The following PPP2R2A variants were observed in gnomAD, a reference collection of about 807,000 sequenced individuals.
PPP2R2A encodes protein phosphatase 2 regulatory subunit Balpha.
Under a neutral mutation model 53.2 loss-of-function variants are expected in PPP2R2A, and 9 were observed. That is an observed-to-expected ratio of 0.17 (90% CI 0.10 to 0.30). The LOEUF is 0.30. Among genes scored for constraint, PPP2R2A ranks in the 10% least tolerant of loss-of-function variants. The probability of loss-of-function intolerance (pLI) is 1.00; values close to 1 mark genes in which losing one functional copy is unlikely to be tolerated. For missense variants in PPP2R2A, 235 were observed against 534.6 expected (o/e 0.44, Z 5.53); for synonymous variants, 169 against 174.2 (o/e 0.97, Z 0.23).
At position 26,291,576 on chromosome 8, in the gene PPP2R2A, C is replaced by T. The variant is rs866089181; in HGVS notation, c.-244C>T. The T allele has an allele frequency of 1.5e-5, 8 of 549,018 alleles. No homozygotes were observed. In the African/African-American group the frequency reaches 1.6e-4, roughly 11 times the overall value. The allele number at this position is 549,018 out of a possible 1,614,324, so 34.0% of individuals were successfully genotyped here. A position where few individuals can be genotyped will look rare whatever the true frequency, so the allele number is the denominator to read the frequency against. ...CCGCTGCCGCCGCCGCCGTCGCTGT[C>T]GTAGTCGCCGCCGCCGCTGCCGGAG... is the stretch of plus-strand genomic sequence containing the variant. On this transcript the variant is annotated 5_prime_UTR_variant, in exon 1 of 10. Coordinates refer to ENST00000380737, the MANE Select transcript of PPP2R2A (RefSeq NM_002717.4).
chr8:26,362,934 G>T lies in PPP2R2A; in HGVS notation c.802+86G>T. On this transcript the variant is annotated intron_variant, in intron 7 of 9. Coordinates refer to ENST00000380737, the MANE Select transcript of PPP2R2A (RefSeq NM_002717.4). The surrounding 1 kb of genome is among the most constrained non-coding windows in gnomAD (Gnocchi z 4.4). ...CAGACATGATAAGTACAATTACAGA[G>T]GTTCAAAGTCTTAAACCCGTGTGTC... 7.4e-7 allele frequency: 1 copy of T among 1,346,388 alleles called. No homozygotes were observed. The highest frequency in any genetic ancestry group is 1.0e-6 in the Non-Finnish European group (1 of 975,004). The allele number at this position is 1,346,388 out of a possible 1,614,324, so 83.4% of individuals were successfully genotyped here.
chr8:26,368,165 T>C (rs1805476168), intron 9 of PPP2R2A, among the ~76,000 whole-genome samples: 1 of 152,230 alleles, frequency 6.6e-6, no homozygotes. Context: ...ACACAAGCCA[T>C]TTTTAAAGAA....
At position 26,338,346 on chromosome 8, in the gene PPP2R2A, G is replaced by A. The variant is rs1471195095; in HGVS notation, c.83-544G>A. Among the ~76,000 whole-genome samples, 3 of 152,100 alleles carry A rather than the reference G, an allele frequency of 2.0e-5. No homozygotes were observed. Among genetic ancestry groups the A allele is most frequent in the Non-Finnish European group, 4.4e-5 (3 of 68,012 alleles). Reference sequence around the variant, plus strand: ...AGCTGGAGGAGCCGTGCACATTGAAGGCACATAGCACGAAGCATTTCTGCT... The same window carrying A: ...AGCTGGAGGAGCCGTGCACATTGAAAGCACATAGCACGAAGCATTTCTGCT... On this transcript the variant is annotated intron_variant, in intron 2 of 9. Coordinates refer to ENST00000380737, the MANE Select transcript of PPP2R2A (RefSeq NM_002717.4). The surrounding 1 kb of genome is among the most constrained non-coding windows in gnomAD (Gnocchi z 4.5).
chr8:26,295,912 A>G (rs570686413), intron 2 of PPP2R2A, among the ~76,000 whole-genome samples: 2 of 151,960 alleles, frequency 1.3e-5, no homozygotes, highest in East Asian at 3.9e-4. Context: ...CACATTCCCC[A>G]CCCCCCTACC....
At chr8:26,340,358 T>A (rs1251402226) in intron 3 of PPP2R2A, among the ~76,000 whole-genome samples, 1 of 152,078 alleles carries the variant, frequency 6.6e-6, no homozygotes, top group African/African-American at 2.4e-5. Context: ...CTGTTTTTCA[T>A]GCTAGATAAC....
rs543803332 is a variant in PPP2R2A, at chr8:26,368,745, T to G, written c.1065-1389T>G. 2.2e-4 allele frequency among the ~76,000 whole-genome samples: 34 copies of G among 152,046 alleles called. No homozygotes were observed. The South Asian group carries it at 6.9e-3, about 31-fold the overall frequency. On this transcript the variant is annotated intron_variant, in intron 9 of 9. Transcript: ENST00000380737. Reference sequence around the variant, plus strand: ...GAACCCAGGAGGTTGAGGTTGTGGTTGCAGTGAGCTGTGATTGTGCCACCA... The same window carrying G: ...GAACCCAGGAGGTTGAGGTTGTGGTGGCAGTGAGCTGTGATTGTGCCACCA...
chr8:26,304,172 G>A (rs1454379975), intron 2 of PPP2R2A, among the ~76,000 whole-genome samples: 1 of 149,736 alleles, frequency 6.7e-6, no homozygotes, highest in East Asian at 1.9e-4. Flanking sequence ...GACTATTTAG[G>A]AGGGTATTTT....
chr8:26,307,554 A>C (rs1220235130), intron 2 of PPP2R2A, among the ~76,000 whole-genome samples: 2 of 152,238 alleles, frequency 1.3e-5, no homozygotes, highest in Non-Finnish European at 2.9e-5. Flanking sequence ...AATATTCCTT[A>C]AAATGCCAAA....
chr8:26,326,566 A>G (rs185409948), intron 2 of PPP2R2A, among the ~76,000 whole-genome samples: 79 of 152,340 alleles, frequency 5.2e-4, no homozygotes, highest in Admixed American at 2.2e-3. Context: ...TAGCATAGCC[A>G]TAGTAATCCT....
intron 2 of PPP2R2A, among the ~76,000 whole-genome samples, chr8:26,303,914 T>G (rs1055867483): frequency 6.6e-6 from 1 of 152,236 alleles, no homozygotes; most frequent in Non-Finnish European, 1.5e-5. Context: ...AGTTACGCTC[T>G]TGTAGCTTTT....
intron 3 of PPP2R2A, among the ~76,000 whole-genome samples, chr8:26,346,800 T>C (rs977528689): frequency 6.6e-6 from 1 of 152,180 alleles, no homozygotes; most frequent in African/African-American, 2.4e-5. Context: ...CTGTAGTCAA[T>C]TTATCAGGGG....
intron 3 of PPP2R2A, among the ~76,000 whole-genome samples, chr8:26,346,306 A>G (rs535330901): frequency 6.6e-6 from 1 of 151,812 alleles, no homozygotes; most frequent in African/African-American, 2.4e-5. Context: ...ATGCCTGGTT[A>G]ATTTTTGTGT....
chr8:26,358,966 C>G (rs533789658), intron 4 of PPP2R2A: 1 of 455,856 alleles, frequency 2.2e-6, no homozygotes, highest in East Asian at 6.9e-5. Context: ...GTGAAAGAGT[C>G]ATTGTATAGT....
At chr8:26,345,152 A>G (rs547576185) in intron 3 of PPP2R2A, among the ~76,000 whole-genome samples, 1 of 152,336 alleles carries the variant, frequency 6.6e-6, no homozygotes, top group Admixed American at 6.5e-5. Flanking sequence ...TCAGATTTTC[A>G]GATTAGGTAT....
At chr8:26,323,859 G>T (rs1053168443) in intron 2 of PPP2R2A, among the ~76,000 whole-genome samples, 1 of 152,172 alleles carries the variant, frequency 6.6e-6, no homozygotes, top group Non-Finnish European at 1.5e-5. Context: ...CCACTTCTCT[G>T]TGGCTACCAC....
At chr8:26,311,200 C>T (rs1802276218) in intron 2 of PPP2R2A, among the ~76,000 whole-genome samples, 1 of 152,120 alleles carries the variant, frequency 6.6e-6, no homozygotes, top group African/African-American at 2.4e-5. Context: ...TTAGTTTTGG[C>T]ACATAGTAAG....
intron 4 of PPP2R2A, among the ~76,000 whole-genome samples, chr8:26,356,775 A>G (rs1022936217): frequency 6.6e-6 from 1 of 152,146 alleles, no homozygotes; most frequent in Non-Finnish European, 1.5e-5. Flanking sequence ...AACTTTTTAA[A>G]TGTAGGCTGA....
chr8:26,317,797 A>T (rs1802632768), intron 2 of PPP2R2A, among the ~76,000 whole-genome samples: 1 of 152,204 alleles, frequency 6.6e-6, no homozygotes, highest in African/African-American at 2.4e-5. Context: ...TTGGTGGCAG[A>T]GAGGGATCTG....
intron 2 of PPP2R2A, among the ~76,000 whole-genome samples, chr8:26,323,013 G>A (rs904216083): frequency 5.9e-5 from 9 of 152,066 alleles, no homozygotes; most frequent in Admixed American, 6.5e-5. Flanking sequence ...TTAAAAACAC[G>A]GTCTTTGCCT....
Sources: allele counts gnomAD v4.1 joint callset (sites outside exome capture counted in the v4.1 genomes callset), GRCh38; gene constraint gnomAD v4.1.1; non-coding constraint Gnocchi (gnomAD v3.1); transcripts MANE v1.5; gene names NCBI Gene and HGNC (gene_info 2026-07-23, HGNC 2026-07-21).